Variants in APP observed in about 807,000 individuals in gnomAD.
APP encodes the protein amyloid beta precursor protein, also known as amyloid-beta precursor protein.
Under a neutral mutation model 101.4 loss-of-function variants are expected in APP, and 31 were observed. That is an observed-to-expected ratio of 0.31 (90% CI 0.23 to 0.41). The LOEUF (loss-of-function observed/expected upper bound fraction) is 0.41. APP is among the 10% of genes least tolerant of loss of function. The pLI, the probability that APP is intolerant of heterozygous loss-of-function variation, is 1.00. For synonymous variants in APP, 366 were observed against 364.4 expected (o/e 1.00, Z -0.05); for missense variants, 839 against 1,003.7 (o/e 0.84, Z 2.22).
chr21:26,097,120 C>T (rs945445949), intron 2 of APP, among the ~76,000 whole-genome samples: 4 of 152,134 alleles, frequency 2.6e-5, no homozygotes, highest in East Asian at 1.9e-4. Flanking sequence ...GAAAAAGGCC[C>T]GGCTTGCATG....
chr21:26,023,586 C>G (rs945227537), intron 5 of APP, among the ~76,000 whole-genome samples: 1 of 151,604 alleles, frequency 6.6e-6, no homozygotes, highest in Non-Finnish European at 1.5e-5. Context: ...ACCTGTAGTT[C>G]CAGCTACTCA....
chr21:26,022,770 G>A (rs183110478), intron 5 of APP, among the ~76,000 whole-genome samples: 1 of 152,336 alleles, frequency 6.6e-6, no homozygotes, highest in Admixed American at 6.5e-5. Context: ...GCACGGTAGC[G>A]GATACTCAGT....
chr21:26,111,483 A>C (rs1043913932), intron 2 of APP, among the ~76,000 whole-genome samples: 1 of 152,140 alleles, frequency 6.6e-6, no homozygotes, highest in Non-Finnish European at 1.5e-5. Flanking sequence ...CATACCCGTA[A>C]TCTCAGCACT....
chr21:26,039,930 G>A (rs903253188), intron 5 of APP, among the ~76,000 whole-genome samples: 9 of 152,080 alleles, frequency 5.9e-5, no homozygotes, highest in African/African-American at 2.2e-4. Flanking sequence ...TTGAGCTACT[G>A]TATTTACAGA....
intron 13 of APP, among the ~76,000 whole-genome samples, chr21:25,924,429 G>GAAAAAAA (rs1338097815): frequency 2.0e-3 from 108 of 53,670 alleles, no homozygotes; most frequent in South Asian, 3.9e-3. Context: ...AAAAAAAAAG[G>GAAAAAAA]AAAAAAAAAA....
chr21:26,070,898 C>T (rs2061399817), intron 3 of APP, among the ~76,000 whole-genome samples: 1 of 152,180 alleles, frequency 6.6e-6, no homozygotes, highest in African/African-American at 2.4e-5. Flanking sequence ...TCAACTTAGT[C>T]ATCCTCTTTT....
chr21:25,965,487 C>T (rs2041760287), intron 11 of APP, among the ~76,000 whole-genome samples: 1 of 152,280 alleles, frequency 6.6e-6, no homozygotes, highest in Middle Eastern at 3.4e-3. Context: ...TAATTTTACC[C>T]TCTCCTCTTC....
Position 26,060,499 on chromosome 21 carries a change from C to T in APP, c.356-7151G>A, listed in dbSNP as rs115730587. Among the ~76,000 whole-genome samples, 1,237 of 152,286 alleles carry T rather than the reference C, an allele frequency of 8.1e-3. 10 individuals are homozygous for T. Among genetic ancestry groups the T allele is most frequent in the African/African-American group, 0.028 (1,173 of 41,546 alleles). On this transcript the variant is annotated intron_variant, in intron 3 of 17. Transcript: ENST00000346798. Reference sequence around the variant, plus strand: ...CAATTATGTCTCAGTGCTAAGAATACAGCAGTGAACAAAACAGATAAAACG... The same window carrying T: ...CAATTATGTCTCAGTGCTAAGAATATAGCAGTGAACAAAACAGATAAAACG...
intron 3 of APP, among the ~76,000 whole-genome samples, chr21:26,058,638 C>T (rs2046137332): frequency 6.6e-6 from 1 of 152,160 alleles, no homozygotes; most frequent in Non-Finnish European, 1.5e-5. Flanking sequence ...AAAGATGTAT[C>T]AAAACTGACT....
intron 1 of APP, among the ~76,000 whole-genome samples, chr21:26,141,707 A>C (rs8129692): frequency 0.019 from 2,843 of 152,300 alleles, 102 homozygotes; most frequent in African/African-American, 0.065. Flanking sequence ...GGGCTGTATT[A>C]TTTCTTTTAC....
At chr21:25,902,515 C>G (rs1208871026) in intron 15 of APP, among the ~76,000 whole-genome samples, 1 of 146,470 alleles carries the variant, frequency 6.8e-6, no homozygotes, top group Non-Finnish European at 1.5e-5. Context: ...AGCATTCTTT[C>G]TCAACTTTAG....
intron 15 of APP, among the ~76,000 whole-genome samples, chr21:25,898,928 C>T (rs188651560): frequency 1.3e-5 from 2 of 152,246 alleles, no homozygotes; most frequent in East Asian, 3.9e-4. Context: ...CTGAAAAGCA[C>T]AATGTCCACA....
chr21:26,123,558 A>G (rs1386156890), intron 1 of APP, among the ~76,000 whole-genome samples: 1 of 152,184 alleles, frequency 6.6e-6, no homozygotes, highest in African/African-American at 2.4e-5. Flanking sequence ...CTATCAAAGA[A>G]GCTCTCCCTT....
At chr21:25,940,369 T>C (rs1158720418) in intron 13 of APP, among the ~76,000 whole-genome samples, 1 of 151,860 alleles carries the variant, frequency 6.6e-6, no homozygotes, top group African/African-American at 2.4e-5. Context: ...AACATTTTAA[T>C]TTATTAGGTA....
At chr21:25,976,924 G>A (rs1323161003) in intron 9 of APP, among the ~76,000 whole-genome samples, 1 of 152,062 alleles carries the variant, frequency 6.6e-6, no homozygotes, top group Non-Finnish European at 1.5e-5. Flanking sequence ...CCCTCCTCTT[G>A]CCCTTCTTCC....
In APP at chr21:26,099,967, T is replaced by C. The variant is rs371864601; in HGVS notation, c.226-9895A>G. 1.2e-3 allele frequency among the ~76,000 whole-genome samples: 186 copies of C among 152,330 alleles called. 1 individual carries two copies. Among genetic ancestry groups the C allele is most frequent in the African/African-American group, 4.3e-3 (180 of 41,568 alleles). On this transcript the variant is annotated intron_variant, in intron 2 of 17. Transcript: ENST00000346798. Reference sequence around the variant, plus strand: ...TATAAATATATTGTTATATCCACACTTTCATACTCAGAGTTGGAAAATCCT... The same window carrying C: ...TATAAATATATTGTTATATCCACACCTTCATACTCAGAGTTGGAAAATCCT...
intron 13 of APP, among the ~76,000 whole-genome samples, chr21:25,943,338 A>ACATG (rs2040659141): frequency 6.6e-6 from 1 of 151,696 alleles, no homozygotes; most frequent in East Asian, 1.9e-4. Context: ...TATTTTTAGT[A>ACATG]GAGACGGGGT....
intron 1 of APP, among the ~76,000 whole-genome samples, chr21:26,136,367 G>A (rs967902082): frequency 1.3e-5 from 2 of 151,790 alleles, no homozygotes; most frequent in African/African-American, 4.8e-5. Context: ...AAAGAAACAG[G>A]CAATTTCATG....
intron 15 of APP, among the ~76,000 whole-genome samples, chr21:25,900,404 A>G (rs2038373465): frequency 6.9e-6 from 1 of 144,856 alleles, no homozygotes; most frequent in African/African-American, 2.6e-5. Flanking sequence ...AAAAAAAAAA[A>G]AAAAATTAGC....
Sources: allele counts gnomAD v4.1 joint callset (sites outside exome capture counted in the v4.1 genomes callset), GRCh38; gene constraint gnomAD v4.1.1; transcripts MANE v1.5; gene names NCBI Gene and HGNC (gene_info 2026-07-23, HGNC 2026-07-21).